Variants in SETBP1 observed in about 807,000 individuals in gnomAD.
The protein encoded by SETBP1 is SET-binding protein.
Under a neutral mutation model 101.0 loss-of-function variants are expected in SETBP1, and 9 were observed. That is an observed-to-expected ratio of 0.09 (90% CI 0.05 to 0.16). The LOEUF (loss-of-function observed/expected upper bound fraction) is 0.16, where lower values mean the gene tolerates loss of function less well. SETBP1 is among the 10% of genes least tolerant of loss of function. The probability of loss-of-function intolerance (pLI) is 1.00; values close to 1 mark genes in which losing one functional copy is unlikely to be tolerated. For synonymous variants in SETBP1, 818 were observed against 788.5 expected, an observed-to-expected ratio of 1.04 and a Z score of -0.63; for missense variants, 1,858 against 2,033.8, an observed-to-expected ratio of 0.91 and a Z score of 1.66.
intron 2 of SETBP1, among the ~76,000 whole-genome samples, chr18:44,759,499 G>A (rs994764060): frequency 3.3e-5 from 5 of 152,172 alleles, no homozygotes; most frequent in Admixed American, 1.3e-4. Flanking sequence ...CCTTTGAGCT[G>A]ACTCTTGTCA....
chr18:45,057,949 C>T (rs926222492), intron 5 of SETBP1, among the ~76,000 whole-genome samples: 1 of 152,072 alleles, frequency 6.6e-6, no homozygotes, highest in African/African-American at 2.4e-5. Flanking sequence ...CTCTAGTTAC[C>T]ATAAACGACT....
At chr18:44,948,131 C>G (rs1044818981) in intron 3 of SETBP1, among the ~76,000 whole-genome samples, 9 of 152,136 alleles carry the variant, frequency 5.9e-5, no homozygotes, top group Non-Finnish European at 1.2e-4. Context: ...GATTAATTCT[C>G]TATATGTTGT....
chr18:44,950,203 G>C lies in SETBP1; in HGVS notation c.863G>C (p.Gly288Ala), dbSNP rs1358951097. ...SNNNKDLLLGGVAPSPSSHSS... is the reference protein window; with the variant it reads ...SNNNKDLLLGAVAPSPSSHSS... ...AATAACAAAGATCTGCTCTTGGGAG[G>C]TGTGGCTCCATCCCCAAGCAGCCAC... The change falls in exon 4 of 6, where the codon GGT (glycine) becomes GCT (alanine). Residue 288 changes from glycine to alanine, a missense_variant. Gly to Ala is a moderately conservative substitution (Grantham distance 60). Around this residue, in one of 12 missense-constraint regions of SETBP1, gnomAD observed 581 missense variants for 535.1 expected, o/e 1.09. Coordinates refer to ENST00000649279, the MANE Select transcript of SETBP1 (RefSeq NM_015559.3). 1 of 1,613,866 alleles carries C rather than the reference G, an allele frequency of 6.2e-7. No individual in the cohort carries two copies. The highest frequency in any genetic ancestry group is 1.7e-5 in the Admixed American group (1 of 60,026).
In SETBP1 at chr18:45,066,307, C is replaced by A. The variant is rs2073964935; in HGVS notation, c.*2609C>A. ...AAATTCGAATCCTCTACTTGTATGA[C>A]CCTAGGAATAGATTGGAATACTGCA... On this transcript the variant is annotated 3_prime_UTR_variant, in exon 6 of 6. Coordinates refer to ENST00000649279, the MANE Select transcript of SETBP1 (RefSeq NM_015559.3). The A allele has an allele frequency of 6.6e-6, 1 of 152,076 alleles. No individual in the cohort carries two copies. The highest frequency in any genetic ancestry group is 1.5e-5 in the Non-Finnish European group (1 of 68,028). The allele number at this position is 152,076 out of a possible 1,614,324, so 9.4% of individuals were successfully genotyped here.
At chr18:45,013,434 C>CTTTCTTTCTTTCTTTCTT (rs573114558) in intron 4 of SETBP1, among the ~76,000 whole-genome samples, 4 of 150,512 alleles carry the variant, frequency 2.7e-5, no homozygotes, top group African/African-American at 9.8e-5. Flanking sequence ...TTCTTTCTTT[C>CTTTCTTTCTTTCTTTCTT]TTTTTTTTTG....
chr18:44,869,382 C>G, intron 3 of SETBP1, 99 bp downstream of exon 3: 1 of 1,098,898 alleles, frequency 9.1e-7, no homozygotes, highest in Non-Finnish European at 1.4e-6. Context: ...AAACCCGAAC[C>G]TTGGATTTCT....
intron 3 of SETBP1, among the ~76,000 whole-genome samples, chr18:44,898,682 C>A (rs1166906788): frequency 6.6e-6 from 1 of 152,040 alleles, no homozygotes; most frequent in Non-Finnish European, 1.5e-5. Context: ...GAGTTTGGAG[C>A]AGAGTAAATT....
chr18:44,893,349 G>T (rs2069815772), intron 3 of SETBP1, among the ~76,000 whole-genome samples: 1 of 152,142 alleles, frequency 6.6e-6, no homozygotes, highest in African/African-American at 2.4e-5. Context: ...TTGGGGGTAG[G>T]TTCTATGAAT....
intron 4 of SETBP1, among the ~76,000 whole-genome samples, chr18:45,016,731 G>GCACA (rs60965207): frequency 0.023 from 2,843 of 122,792 alleles, 42 homozygotes; most frequent in Non-Finnish European, 0.032. Flanking sequence ...ATTGGTGCGC[G>GCACA]CACACACACA....
intron 2 of SETBP1, among the ~76,000 whole-genome samples, chr18:44,703,874 G>C (rs1170787659): frequency 6.6e-6 from 1 of 152,196 alleles, no homozygotes; most frequent in Non-Finnish European, 1.5e-5. Context: ...TTGCATTGGA[G>C]TTGGGTCTCT....
intron 5 of SETBP1, among the ~76,000 whole-genome samples, chr18:45,042,538 GGT>G: frequency 6.6e-6 from 1 of 152,210 alleles, no homozygotes; most frequent in Middle Eastern, 3.4e-3. Context: ...TTTTCAAATA[GGT>G]GATCTTTGGT....
chr18:44,940,235 C>T (rs775214147), intron 3 of SETBP1, among the ~76,000 whole-genome samples: 35 of 152,224 alleles, frequency 2.3e-4, no homozygotes, highest in Admixed American at 3.3e-4. Flanking sequence ...CTTGTTCCCT[C>T]CTTTTACTTT....
chr18:44,758,661 C>T lies in SETBP1; in HGVS notation c.486+56829C>T, dbSNP rs374236692. The stretch of plus-strand genomic sequence containing the variant: ...CCTCCCAAAGTGCTGGGATTACAGG[C>T]GTGAGCCACCACGCCCGGCCTGAAA... On this transcript the variant is annotated intron_variant, in intron 2 of 5. Coordinates refer to ENST00000649279, the MANE Select transcript of SETBP1 (RefSeq NM_015559.3). Among the ~76,000 whole-genome samples the T allele has an allele frequency of 1.9e-4, 29 of 152,070 alleles. No individual in the cohort carries two copies. In the East Asian group the frequency reaches 3.1e-3, roughly 16 times the overall value.
intron 2 of SETBP1, among the ~76,000 whole-genome samples, chr18:44,856,906 C>T (rs1452623756): frequency 6.6e-6 from 1 of 152,176 alleles, no homozygotes. Flanking sequence ...GCCACCCTTG[C>T]TTTGTATAGC....
chr18:44,819,769 TA>T (rs977711760), intron 2 of SETBP1, among the ~76,000 whole-genome samples: 1 of 152,204 alleles, frequency 6.6e-6, no homozygotes, highest in Non-Finnish European at 1.5e-5. Context: ...GTCCTCAGGT[TA>T]AAATCAGGCA....
At chr18:44,772,868 C>T (rs1433935938) in intron 2 of SETBP1, among the ~76,000 whole-genome samples, 1 of 152,176 alleles carries the variant, frequency 6.6e-6, no homozygotes, top group African/African-American at 2.4e-5. Context: ...TAGATCTTAA[C>T]ATGATTCCTC....
intron 4 of SETBP1, among the ~76,000 whole-genome samples, chr18:45,013,716 G>A (rs578128152): frequency 2.4e-4 from 36 of 152,250 alleles, no homozygotes; most frequent in African/African-American, 8.7e-4. Flanking sequence ...GGGATTACAG[G>A]CATAAGCCAC....
intron 2 of SETBP1, among the ~76,000 whole-genome samples, chr18:44,797,054 G>C (rs1172126988): frequency 6.6e-6 from 1 of 152,270 alleles, no homozygotes; most frequent in South Asian, 2.1e-4. Flanking sequence ...ATTAGCTGGG[G>C]CACTGCACCT....
chr18:44,972,157 G>C (rs1599394500), intron 4 of SETBP1, among the ~76,000 whole-genome samples: 2 of 152,084 alleles, frequency 1.3e-5, no homozygotes, highest in Middle Eastern at 3.4e-3. Flanking sequence ...TCTTATTTTT[G>C]TCAGGTTTGT....
Sources: allele counts gnomAD v4.1 joint callset (sites outside exome capture counted in the v4.1 genomes callset), GRCh38; gene constraint gnomAD v4.1.1; regional missense constraint gnomAD v4.1.1; transcripts MANE v1.5; gene names NCBI Gene and HGNC (gene_info 2026-07-23, HGNC 2026-07-21).